The following SLC44A5 variants were observed in gnomAD, a reference collection of about 807,000 sequenced individuals.
SLC44A5 encodes solute carrier family 44 member 5, also known as choline transporter-like protein 5.
A neutral mutation model predicts 101.8 loss-of-function variants in SLC44A5; 57 were observed. That is an observed-to-expected ratio of 0.56 (90% CI 0.45 to 0.70). The LOEUF (loss-of-function observed/expected upper bound fraction) is 0.70, where lower values mean the gene tolerates loss of function less well. Ranked by LOEUF, SLC44A5 falls within the 30% of genes least tolerant of loss-of-function variation. The probability of loss-of-function intolerance (pLI) is 0.00; values close to 1 mark genes in which losing one functional copy is unlikely to be tolerated. For missense variants in SLC44A5, 737 were observed against 853.1 expected, an observed-to-expected ratio of 0.86 and a Z score of 1.70; for synonymous variants, 281 against 290.9, an observed-to-expected ratio of 0.97 and a Z score of 0.35.
intron 4 of SLC44A5, among the ~76,000 whole-genome samples, chr1:75,303,967 A>ACT (rs1654712850): frequency 6.6e-6 from 1 of 152,202 alleles, no homozygotes; most frequent in Admixed American, 6.5e-5. Flanking sequence ...TTAAAAAAAT[A>ACT]TATCTCAGTA....
intron 11 of SLC44A5, among the ~76,000 whole-genome samples, chr1:75,236,494 A>G (rs1229829233): frequency 6.6e-6 from 1 of 151,966 alleles, no homozygotes; most frequent in Non-Finnish European, 1.5e-5. Flanking sequence ...ATATGTAGCT[A>G]TGTAGCTTTC....
the SLC44A5 span, among the ~76,000 whole-genome samples, chr1:75,692,267 C>T: frequency 1.4e-5 from 2 of 139,860 alleles, no homozygotes; most frequent in African/African-American, 5.3e-5. Context: ...GAACTTGGCT[C>T]ACTGCAACCT....
At chr1:75,550,425 G>T (rs573103353) in intron 1 of SLC44A5, among the ~76,000 whole-genome samples, 1 of 152,128 alleles carries the variant, frequency 6.6e-6, no homozygotes, top group Non-Finnish European at 1.5e-5. Context: ...ATGGATGAGG[G>T]TTTCTTTTGG....
In SLC44A5 at chr1:75,455,803, A is replaced by G. The variant is rs368990899; in HGVS notation, c.14-59182T>C. Among the ~76,000 whole-genome samples, 8 of 152,284 alleles carry G rather than the reference A, an allele frequency of 5.3e-5. No homozygotes were observed. In the East Asian group the frequency reaches 9.6e-4, roughly 18 times the overall value. On this transcript the variant is annotated intron_variant, in intron 2 of 23. Transcript: ENST00000370859. ...CAGAGAAATCCAAATCAAAACCGTAATGAGATACTATCTCATACCAGTCAG... is the reference window on the plus strand; with the variant it reads ...CAGAGAAATCCAAATCAAAACCGTAGTGAGATACTATCTCATACCAGTCAG...
intron 2 of SLC44A5, among the ~76,000 whole-genome samples, chr1:75,519,576 A>G (rs1321792769): frequency 6.6e-6 from 1 of 151,938 alleles, no homozygotes; most frequent in Non-Finnish European, 1.5e-5. Flanking sequence ...AAAAATTATT[A>G]TTTGCATCAT....
intron 5 of SLC44A5, among the ~76,000 whole-genome samples, chr1:75,284,670 T>C (rs1471794089): frequency 1.3e-5 from 2 of 152,106 alleles, no homozygotes; most frequent in African/African-American, 4.8e-5. Context: ...TTTATTACCT[T>C]AAGGTGTGTC....
chr1:75,274,944 G>C lies in SLC44A5; in HGVS notation c.260+14C>G. The C allele has an allele frequency of 1.2e-6, 2 of 1,603,920 alleles. No homozygotes were observed. The highest frequency in any genetic ancestry group is 1.7e-6 in the Non-Finnish European group (2 of 1,172,400). On this transcript the variant is annotated intron_variant, in intron 6 of 23. Transcript: ENST00000370859. ...GACAGTAAAATCACACAAAGCAAAG[G>C]TGGCCATACTCACTCATTGGGAGTG...
At chr1:75,514,540 A>C (rs551234179) in intron 2 of SLC44A5, among the ~76,000 whole-genome samples, 6 of 152,200 alleles carry the variant, frequency 3.9e-5, no homozygotes, top group Non-Finnish European at 8.8e-5. Flanking sequence ...CTCTAATCTG[A>C]GAATCTCTCT....
intron 6 of SLC44A5, among the ~76,000 whole-genome samples, chr1:75,272,458 C>A (rs1244441510): frequency 6.7e-6 from 1 of 148,964 alleles, no homozygotes; most frequent in East Asian, 2.0e-4. Context: ...GTCATGAATT[C>A]TTTGCCTAAA....
intron 2 of SLC44A5, among the ~76,000 whole-genome samples, chr1:75,535,271 C>A (rs1254971616): frequency 6.6e-6 from 1 of 152,040 alleles, no homozygotes; most frequent in Non-Finnish European, 1.5e-5. Flanking sequence ...AGAAGGTGAG[C>A]CTGATACATA....
chr1:75,243,845 T>C (rs994312339), intron 7 of SLC44A5, among the ~76,000 whole-genome samples: 3 of 152,110 alleles, frequency 2.0e-5, no homozygotes, highest in Admixed American at 6.6e-5. Flanking sequence ...GGGAAGCATC[T>C]GTCCTGTTAA....
chr1:75,396,740 A>C, intron 2 of SLC44A5, 119 bp from the exon 3 acceptor site: 1 of 762,956 alleles, frequency 1.3e-6, no homozygotes, highest in Non-Finnish European at 2.3e-6. Flanking sequence ...ACAAAATAAC[A>C]TAAGGCAGTT....
intron 2 of SLC44A5, among the ~76,000 whole-genome samples, chr1:75,454,726 A>G (rs1410538008): frequency 6.6e-6 from 1 of 151,950 alleles, no homozygotes; most frequent in East Asian, 1.9e-4. Flanking sequence ...AAAAATCAGT[A>G]CCATTTCTAT....
At chr1:75,673,640 T>G in the SLC44A5 span, among the ~76,000 whole-genome samples, 1 of 152,176 alleles carries the variant, frequency 6.6e-6, no homozygotes, top group African/African-American at 2.4e-5. Flanking sequence ...GCTTCAGGCC[T>G]GACCCAGCAT....
At chr1:75,315,722 G>A (rs1233602898) in intron 4 of SLC44A5, among the ~76,000 whole-genome samples, 1 of 152,054 alleles carries the variant, frequency 6.6e-6, no homozygotes, top group Non-Finnish European at 1.5e-5. Flanking sequence ...TTTCTCCTGA[G>A]TGCCAGCTTA....
the SLC44A5 span, among the ~76,000 whole-genome samples, chr1:75,710,728 T>C: frequency 2.6e-5 from 4 of 152,130 alleles, no homozygotes; most frequent in Admixed American, 1.3e-4. Flanking sequence ...TTGGTTCTTA[T>C]GGTTGCAACA....
upstream of SLC44A5, among the ~76,000 whole-genome samples, chr1:75,613,803 T>C (rs1675754517): frequency 6.6e-6 from 1 of 152,218 alleles, no homozygotes; most frequent in East Asian, 1.9e-4. Context: ...TACAAATGAT[T>C]CCATACTGAC....
chr1:75,568,854 A>G (rs79897988), intron 1 of SLC44A5, among the ~76,000 whole-genome samples: 2 of 152,216 alleles, frequency 1.3e-5, no homozygotes, highest in Non-Finnish European at 2.9e-5. Flanking sequence ...TTGCTTCCAC[A>G]TCAAATCCAA....
At chr1:75,455,446 T>G (rs1478220436) in intron 2 of SLC44A5, among the ~76,000 whole-genome samples, 2 of 152,110 alleles carry the variant, frequency 1.3e-5, no homozygotes, top group Non-Finnish European at 2.9e-5. Context: ...ATTCTGGACA[T>G]TGGCCTTGAG....
Sources: allele counts gnomAD v4.1 joint callset (sites outside exome capture counted in the v4.1 genomes callset), GRCh38; gene constraint gnomAD v4.1.1; transcripts MANE v1.5; gene names NCBI Gene and HGNC (gene_info 2026-07-23, HGNC 2026-07-21).